The following ST6GAL1 variants were observed in gnomAD, a reference collection of about 807,000 sequenced individuals.
ST6GAL1 encodes the protein beta-galactoside alpha-2,6-sialyltransferase 1.
Under a neutral mutation model 38.0 loss-of-function variants are expected in ST6GAL1, and 20 were observed. That is an observed-to-expected ratio of 0.53 (90% confidence interval 0.37 to 0.77). ST6GAL1 has a LOEUF of 0.77. Among genes scored for constraint, ST6GAL1 ranks in the 30% least tolerant of loss-of-function variants. The pLI, the probability that ST6GAL1 is intolerant of heterozygous loss-of-function variation, is 0.00. For synonymous variants in ST6GAL1, 196 were observed against 188.2 expected, an observed-to-expected ratio of 1.04 and a Z score of -0.34; for missense variants, 432 against 496.4, an observed-to-expected ratio of 0.87 and a Z score of 1.23.
At chr3:187,032,110 A>G (rs890788916) in intron 2 of ST6GAL1, among the ~76,000 whole-genome samples, 1 of 152,218 alleles carries the variant, frequency 6.6e-6, no homozygotes, top group African/African-American at 2.4e-5. Context: ...ATTTTTGGAA[A>G]GCCCTCATCA....
intron 4 of ST6GAL1, among the ~76,000 whole-genome samples, chr3:187,045,302 T>C (rs75265064): frequency 6.6e-6 from 1 of 152,140 alleles, no homozygotes; most frequent in Admixed American, 6.5e-5. Context: ...TTTTTTTTTT[T>C]GTCCATAGCA....
intron 2 of ST6GAL1, among the ~76,000 whole-genome samples, chr3:186,992,125 T>C (rs150063384): frequency 1.3e-5 from 2 of 152,148 alleles, no homozygotes; most frequent in African/African-American, 2.4e-5. Context: ...ACCATTGATA[T>C]GGTTTGGCTG....
intron 2 of ST6GAL1, among the ~76,000 whole-genome samples, chr3:187,035,603 A>G (rs906057195): frequency 1.3e-5 from 2 of 152,192 alleles, no homozygotes; most frequent in Admixed American, 1.3e-4. Context: ...AAAGCCACAT[A>G]CCTATAATCA....
At chr3:187,063,638 G>C (rs752046269) in intron 5 of ST6GAL1, among the ~76,000 whole-genome samples, 1 of 152,186 alleles carries the variant, frequency 6.6e-6, no homozygotes, top group Non-Finnish European at 1.5e-5. Flanking sequence ...CTTGGACTGC[G>C]GAGGCTACCT....
chr3:186,969,227 A>T (rs1715258653), intron 2 of ST6GAL1, among the ~76,000 whole-genome samples: 1 of 151,086 alleles, frequency 6.6e-6, no homozygotes. Context: ...CTATTTTTGT[A>T]TTTTTAGTAG....
chr3:187,019,604 GAGAA>G (rs1172329367), intron 2 of ST6GAL1, among the ~76,000 whole-genome samples: 2 of 152,234 alleles, frequency 1.3e-5, no homozygotes, highest in Non-Finnish European at 2.9e-5. Context: ...TATGAGGAAA[GAGAA>G]AGAAGGGTCA....
At chr3:187,025,919 T>C (rs905623962) in intron 2 of ST6GAL1, among the ~76,000 whole-genome samples, 2 of 152,186 alleles carry the variant, frequency 1.3e-5, no homozygotes, top group African/African-American at 4.8e-5. Context: ...TTATCAGTGC[T>C]GCCTGGCTGG....
chr3:186,993,564 ATTTATTTATTT>A (rs1286170410), intron 2 of ST6GAL1, among the ~76,000 whole-genome samples: 1 of 18,740 alleles, frequency 5.3e-5, no homozygotes, highest in Non-Finnish European at 1.1e-4. Flanking sequence ...AGTTTTATTT[ATTTATTTATTT>A]ATTTATTTAT....
At chr3:187,047,241 G>A (rs913675914) in intron 4 of ST6GAL1, among the ~76,000 whole-genome samples, 5 of 145,792 alleles carry the variant, frequency 3.4e-5, no homozygotes, top group Non-Finnish European at 5.9e-5. Context: ...CACCGCGCCC[G>A]GCCAAGTCAT....
chr3:186,933,579 G>A (rs1373981006), intron 1 of ST6GAL1, among the ~76,000 whole-genome samples: 1 of 152,218 alleles, frequency 6.6e-6, no homozygotes, highest in Non-Finnish European at 1.5e-5. Context: ...TGGCACTGCA[G>A]TATAGTTTTC....
At chr3:186,966,769 GC>G (rs1409063205) in intron 2 of ST6GAL1, among the ~76,000 whole-genome samples, 1 of 152,160 alleles carries the variant, frequency 6.6e-6, no homozygotes, top group Non-Finnish European at 1.5e-5. Context: ...GTGGTGCTGG[GC>G]CCCCAGATCT....
rs1474621492 is a variant in ST6GAL1 at position 186,985,495 on chromosome 3, G to C, written c.-183+21569G>C. Among the ~76,000 whole-genome samples the C allele has an allele frequency of 1.3e-5, 2 of 151,574 alleles. 1 individual carries two copies. The highest frequency in any genetic ancestry group is 4.9e-5 in the African/African-American group (2 of 41,222). On this transcript the variant is annotated intron_variant, in intron 2 of 7. Coordinates refer to ENST00000169298, the MANE Select transcript of ST6GAL1 (RefSeq NM_173216.2). Reference sequence around the variant, plus strand: ...TCTCTAAAAGTTTTTGAAAGGATATGATCTGAGGCTAGGCACTCCCAGCAC... The same window carrying C: ...TCTCTAAAAGTTTTTGAAAGGATATCATCTGAGGCTAGGCACTCCCAGCAC...
intron 2 of ST6GAL1, among the ~76,000 whole-genome samples, chr3:186,990,197 C>G (rs1400085851): frequency 2.0e-5 from 3 of 152,206 alleles, no homozygotes; most frequent in African/African-American, 7.2e-5. Context: ...CCATGCCTGG[C>G]TAATTTTTGT....
intron 2 of ST6GAL1, among the ~76,000 whole-genome samples, chr3:186,966,864 T>C (rs1715148521): frequency 6.6e-6 from 1 of 152,208 alleles, no homozygotes; most frequent in African/African-American, 2.4e-5. Context: ...CAGATATGCT[T>C]GCGTTTCCTC....
intron 5 of ST6GAL1, among the ~76,000 whole-genome samples, chr3:187,071,354 G>A (rs1719363148): frequency 1.3e-5 from 2 of 152,080 alleles, no homozygotes; most frequent in Admixed American, 1.3e-4. Context: ...AGCCTTTGGG[G>A]CTACTTTTCT....
intron 2 of ST6GAL1, among the ~76,000 whole-genome samples, chr3:186,974,276 C>T (rs899690730): frequency 2.0e-5 from 3 of 152,176 alleles, no homozygotes; most frequent in African/African-American, 7.2e-5. Flanking sequence ...TTACCCATAT[C>T]CAACCATCCA....
intron 2 of ST6GAL1, among the ~76,000 whole-genome samples, chr3:186,967,919 C>G (rs1715204939): frequency 6.6e-6 from 1 of 152,212 alleles, no homozygotes; most frequent in Non-Finnish European, 1.5e-5. Context: ...CCTGCCTTAG[C>G]CCATCTGGCC....
intron 2 of ST6GAL1, among the ~76,000 whole-genome samples, chr3:187,003,862 C>T (rs977435864): frequency 3.3e-5 from 5 of 152,050 alleles, no homozygotes; most frequent in East Asian, 3.9e-4. Flanking sequence ...CTTTGGTCCT[C>T]GTAAGGGTTC....
At chr3:187,032,023 A>G (rs1717769834) in intron 2 of ST6GAL1, among the ~76,000 whole-genome samples, 1 of 152,192 alleles carries the variant, frequency 6.6e-6, no homozygotes, top group Non-Finnish European at 1.5e-5. Flanking sequence ...TCTCACCCAG[A>G]GAGTTGAGGG....
Sources: allele counts gnomAD v4.1 joint callset (sites outside exome capture counted in the v4.1 genomes callset), GRCh38; gene constraint gnomAD v4.1.1; transcripts MANE v1.5; gene names NCBI Gene and HGNC (gene_info 2026-07-23, HGNC 2026-07-21).